UHRF1: variants seen among roughly 807,000 people sequenced by gnomAD.
UHRF1 encodes E3 ubiquitin-protein ligase UHRF1.
Under a neutral mutation model 96.5 loss-of-function variants are expected in UHRF1, and 9 were observed. The ratio of observed to expected loss-of-function variants is 0.09; its 90% CI spans 0.06 to 0.16. The LOEUF (loss-of-function observed/expected upper bound fraction) is 0.16, where lower values mean the gene tolerates loss of function less well. Ranked by LOEUF, UHRF1 falls within the 10% of genes least tolerant of loss-of-function variation. The probability of loss-of-function intolerance (pLI) is 1.00; values close to 1 mark genes in which losing one functional copy is unlikely to be tolerated. For synonymous variants in UHRF1, 455 were observed against 469.9 expected, an observed-to-expected ratio of 0.97 and a Z score of 0.41; for missense variants, 626 against 1,131.1, an observed-to-expected ratio of 0.55 and a Z score of 6.40.
At chr19:4,928,957 A>G (rs4807667) in intron 2 of UHRF1, among the ~76,000 whole-genome samples, 27,610 of 152,194 alleles carry the variant, frequency 0.18, 2,978 homozygotes, top group Non-Finnish European at 0.25. Flanking sequence ...CCCCGTGATG[A>G]TGTTTTGTGC....
intron 2 of UHRF1, among the ~76,000 whole-genome samples, chr19:4,923,602 T>G (rs2032772557): frequency 6.6e-6 from 1 of 152,156 alleles, no homozygotes; most frequent in South Asian, 2.1e-4. Context: ...GCTGCAAACA[T>G]AGGAGGAGCA....
In UHRF1 at chr19:4,954,294, C is replaced by T; in HGVS notation, c.1819-56C>T. 6.3e-7 allele frequency: 1 copy of T among 1,588,194 alleles called. No individual in the cohort carries two copies. Among genetic ancestry groups the T allele is most frequent in the Admixed American group, 1.8e-5 (1 of 54,986 alleles). On this transcript the variant is annotated intron_variant, in intron 13 of 16. Transcript: ENST00000650932. The surrounding 1 kb of genome is among the most constrained non-coding windows in gnomAD (Gnocchi z 5.9). ...GGCAAGGAGGCTGGAAGAGCGGGCTCTGCATAGCGTGTGGGCCCCAAGCCT... is the reference window on the plus strand; with the variant it reads ...GGCAAGGAGGCTGGAAGAGCGGGCTTTGCATAGCGTGTGGGCCCCAAGCCT...
At chr19:4,957,825 C>T (rs1278096615) in intron 16 of UHRF1, among the ~76,000 whole-genome samples, 2 of 152,210 alleles carry the variant, frequency 1.3e-5, no homozygotes, top group East Asian at 1.9e-4. Context: ...CCAGTGTCCC[C>T]TGGGGGCAGA....
At chr19:4,955,399 A>C (rs1005400907) in intron 15 of UHRF1, among the ~76,000 whole-genome samples, 1 of 146,774 alleles carries the variant, frequency 6.8e-6, no homozygotes, top group African/African-American at 2.5e-5. Flanking sequence ...TCTGAGTCTC[A>C]CTCTCCCGCC....
chr19:4,923,336 C>T (rs1170837389), intron 2 of UHRF1, among the ~76,000 whole-genome samples: 1 of 152,138 alleles, frequency 6.6e-6, no homozygotes, highest in Admixed American at 6.5e-5. Flanking sequence ...TGTCTGGCCC[C>T]CAGCCACCCT....
At position 4,960,042 on chromosome 19, in the gene UHRF1, AG is replaced by A. The variant is rs1680921618; in HGVS notation, c.2236-612del. ...TAATTTTTGTATTTTTAGTAGAGAC[AG>A]GGTTTCACCATGTTGGCCAGGCTGG... On this transcript the variant is annotated intron_variant, in intron 16 of 16. Coordinates refer to ENST00000650932, the MANE Select transcript of UHRF1 (RefSeq NM_001048201.3). 2.6e-5 allele frequency among the ~76,000 whole-genome samples: 4 copies of A among 152,066 alleles called. 1 individual carries two copies. In the South Asian group the frequency reaches 8.3e-4, roughly 32 times the overall value.
At chr19:4,941,995 C>G in intron 7 of UHRF1, 64 bp downstream of exon 7, 1 of 1,416,008 alleles carries the variant, frequency 7.1e-7, no homozygotes, top group Non-Finnish European at 9.3e-7. Flanking sequence ...CAGAGGGGCA[C>G]TGAGGAGATA....
rs767399750 is a variant in UHRF1 at position 4,960,788 on chromosome 19, C to T, written c.2367C>T (p.Tyr789=). 1.5e-5 allele frequency: 23 copies of T among 1,550,072 alleles called. No individual in the cohort carries two copies. The highest frequency in any genetic ancestry group is 2.4e-5 in the East Asian group (1 of 42,510). Residue 789 remains tyrosine, a synonymous_variant, in exon 17 of 17, where the codon TAC becomes TAT. Coordinates refer to ENST00000650932, the MANE Select transcript of UHRF1 (RefSeq NM_001048201.3). ...TCCTCAACCAGCTCTTCCCCGGCTA[C>T]GGCAATGGCCGGTGATCTCCAAGCA... ...QTVLNQLFPG[Y]GNGR
chr19:4,938,260 C>T (rs1056005183), intron 5 of UHRF1, among the ~76,000 whole-genome samples: 3 of 151,932 alleles, frequency 2.0e-5, no homozygotes, highest in African/African-American at 7.3e-5. Context: ...ATGTGACTGT[C>T]TGGACTATCT....
chr19:4,929,151 A>G, intron 2 of UHRF1, 71 bp from the exon 3 acceptor site: 7 of 1,556,516 alleles, frequency 4.5e-6, no homozygotes, highest in Non-Finnish European at 6.1e-6. Context: ...TGTTTGGTTC[A>G]TCACTGGTGC....
chr19:4,942,050 C>G (rs1436067781), intron 7 of UHRF1, 119 bp downstream of exon 7: 2 of 1,139,998 alleles, frequency 1.8e-6, no homozygotes, highest in Non-Finnish European at 2.3e-6. Flanking sequence ...AATCCCAGTG[C>G]TTTGGGAGGC....
At chr19:4,956,115 G>A (rs1033860147) in intron 15 of UHRF1, among the ~76,000 whole-genome samples, 1 of 152,044 alleles carries the variant, frequency 6.6e-6, no homozygotes, top group Non-Finnish European at 1.5e-5. Flanking sequence ...ATTTTTAGTA[G>A]GGATGGGATT....
At chr19:4,947,350 C>A in intron 11 of UHRF1, 139 bp downstream of exon 11, 1 of 739,038 alleles carries the variant, frequency 1.4e-6, no homozygotes, top group East Asian at 2.8e-5. Flanking sequence ...TTTGGTTCCT[C>A]CCTCTGTCTC....
chr19:4,955,547 C>A (rs1568184923), intron 15 of UHRF1, among the ~76,000 whole-genome samples: 1 of 152,090 alleles, frequency 6.6e-6, no homozygotes, highest in African/African-American at 2.4e-5. Flanking sequence ...TGGTGCAGGT[C>A]TCAGGATTCA....
At chr19:4,929,181 A>G in intron 2 of UHRF1, 41 bp from the exon 3 acceptor site, 1 of 1,585,810 alleles carries the variant, frequency 6.3e-7, no homozygotes, top group East Asian at 2.2e-5. Flanking sequence ...CCCACTTGGC[A>G]TTTGGTGGCT....
Position 4,954,777 on chromosome 19 carries a change from T to C in UHRF1, c.2085T>C (p.Asn695=), listed in dbSNP as rs2033812295. 6 of 1,613,734 alleles carry C rather than the reference T, an allele frequency of 3.7e-6. No homozygotes were observed. The highest frequency in any genetic ancestry group is 1.7e-5 in the Admixed American group (1 of 59,992). The change falls in exon 15 of 17, where the codon AAT becomes AAC. Residue 695 remains asparagine (N), a synonymous_variant. Coordinates refer to ENST00000650932, the MANE Select transcript of UHRF1 (RefSeq NM_001048201.3). This position sits in a 1 kb window ranked among gnomAD's most constrained non-coding sequence, Gnocchi z 5.9. ...ACAAGAGCAACGCCAAGCTGTGGAA[T>C]GAGGTCCTGGCGTCACTCAAGGACC... The part of the protein sequence containing the change: ...REDKSNAKLW[N]EVLASLKDRP...
rs2032976330 is a variant in UHRF1, at chr19:4,929,395, C to T, written c.327C>T (p.Thr109=). ...LGQSESDKSS[T]HGEAAAETDS... Reference sequence around the variant, plus strand: ...AGAGTGAGTCAGACAAGTCCTCCACCCACGGTGAGGCGGCCGCCGAGACTG... The same window carrying T: ...AGAGTGAGTCAGACAAGTCCTCCACTCACGGTGAGGCGGCCGCCGAGACTG... The change falls in exon 3 of 17, where the codon ACC becomes ACT. Residue 109 remains threonine, a synonymous_variant. Transcript: ENST00000650932. The T allele has an allele frequency of 6.2e-7, 1 of 1,613,762 alleles. No homozygotes were observed. The highest frequency in any genetic ancestry group is 1.1e-5 in the South Asian group (1 of 91,078).
intron 7 of UHRF1, among the ~76,000 whole-genome samples, chr19:4,943,405 G>C (rs953011607): frequency 3.3e-5 from 5 of 151,954 alleles, no homozygotes; most frequent in Non-Finnish European, 7.4e-5. Flanking sequence ...TTGCGGATGT[G>C]GATGGGGAGG....
intron 15 of UHRF1, 130 bp from the exon 16 acceptor site, chr19:4,956,579 G>A (rs574902269): frequency 3.9e-5 from 26 of 670,528 alleles, no homozygotes; most frequent in Middle Eastern, 8.0e-4. Context: ...GACGATCATG[G>A]CCCCCGCCTC....
Sources: gnomAD v4.1 joint callset for allele counts (sites outside exome capture counted in the v4.1 genomes callset) on GRCh38, gnomAD v4.1.1 for gene constraint, Gnocchi (gnomAD v3.1) non-coding constraint, MANE v1.5 for transcripts, NCBI Gene and HGNC (gene_info 2026-07-23, HGNC 2026-07-21) for gene names.